MPDZ: variants seen among roughly 807,000 people sequenced by gnomAD.
MPDZ encodes the protein multiple PDZ domain protein.
Under a neutral mutation model 239.1 loss-of-function variants are expected in MPDZ, and 234 were observed. That is an observed-to-expected ratio of 0.98 (90% CI 0.88 to 1.09). The LOEUF (loss-of-function observed/expected upper bound fraction) is 1.09. Among genes scored for constraint, MPDZ ranks in the 50% least tolerant of loss-of-function variants. The probability of loss-of-function intolerance (pLI) is 0.00; values close to 1 mark genes in which losing one functional copy is unlikely to be tolerated. For synonymous variants in MPDZ, 1,048 were observed against 881.3 expected, an observed-to-expected ratio of 1.19 and a Z score of -3.35; for missense variants, 3,175 against 2,510.0, an observed-to-expected ratio of 1.26 and a Z score of -5.66.
At chr9:13,162,043 C>T (rs1295638831) in intron 23 of MPDZ, among the ~76,000 whole-genome samples, 4 of 152,038 alleles carry the variant, frequency 2.6e-5, no homozygotes, top group Non-Finnish European at 4.4e-5. Flanking sequence ...GGTGGGCAGA[C>T]TGCTTAAGCT....
At chr9:13,268,278 C>T (rs1416433657) in intron 1 of MPDZ, among the ~76,000 whole-genome samples, 1 of 151,806 alleles carries the variant, frequency 6.6e-6, no homozygotes, top group Non-Finnish European at 1.5e-5. Flanking sequence ...TATTCCTAGC[C>T]ATGTGTATAG....
intron 1 of MPDZ, among the ~76,000 whole-genome samples, chr9:13,250,917 T>C (rs1394886693): frequency 1.3e-5 from 2 of 151,458 alleles, no homozygotes; most frequent in Non-Finnish European, 2.9e-5. Flanking sequence ...TCACTTGAGG[T>C]CAGGAGTTCG....
intron 19 of MPDZ, among the ~76,000 whole-genome samples, chr9:13,181,674 G>A (rs952274497): frequency 6.6e-6 from 1 of 152,162 alleles, no homozygotes; most frequent in South Asian, 2.1e-4. Context: ...TACAAAAGGA[G>A]GCAAACAGAC....
chr9:13,111,173 A>G (rs780775526), intron 43 of MPDZ, among the ~76,000 whole-genome samples: 1 of 152,234 alleles, frequency 6.6e-6, no homozygotes, highest in Admixed American at 6.5e-5. Context: ...TTTGGTTAAT[A>G]AAGTCTGGTT....
intron 12 of MPDZ, among the ~76,000 whole-genome samples, chr9:13,201,325 G>A (rs1222713317): frequency 6.6e-6 from 1 of 151,726 alleles, no homozygotes; most frequent in Non-Finnish European, 1.5e-5. Context: ...TTTGAATGTG[G>A]TGTTTCTTTT....
chr9:13,255,270 G>A (rs985630637), intron 1 of MPDZ, among the ~76,000 whole-genome samples: 7 of 152,066 alleles, frequency 4.6e-5, no homozygotes, highest in South Asian at 4.1e-4. Context: ...TATTTGTAAC[G>A]CATCTTCAGT....
chr9:13,256,003 TG>T (rs1351624929), intron 1 of MPDZ, among the ~76,000 whole-genome samples: 1 of 152,234 alleles, frequency 6.6e-6, no homozygotes, highest in Non-Finnish European at 1.5e-5. Flanking sequence ...AAAAATCTGT[TG>T]TTTAGTGCAG....
rs763695296 is a variant in MPDZ at position 13,138,139 on chromosome 9, G to A, written c.4018C>T (p.Arg1340Cys). 9.5e-6 allele frequency: 15 copies of A among 1,583,440 alleles called. No homozygotes were observed. Among genetic ancestry groups the A allele is most frequent in the African/African-American group, 2.7e-5 (2 of 73,770 alleles). The change falls in exon 29 of 47, where the codon CGT becomes TGT. Residue 1340 changes from arginine (R) to cysteine (C), a missense_variant. Physicochemically the swap from Arg to Cys is radical, Grantham distance 180 (BLOSUM62 -3). Coordinates refer to ENST00000319217, the MANE Select transcript of MPDZ (RefSeq NM_001378778.1). ...AGCTCGCCTGTTAGGGTTCCATAAC[G>A]CTCTCTGATATTTTCTACATACAAC... ...FGYSWKNIRERYGTLTGELHM... is the reference protein window; with the variant it reads ...FGYSWKNIRECYGTLTGELHM...
chr9:13,136,325 CTTTTT>C (rs869272418), intron 30 of MPDZ, 143 bp from the exon 31 acceptor site: 2,412 of 156,232 alleles, frequency 0.015, 18 homozygotes, highest in East Asian at 0.052. Context: ...CAAACGTTTT[CTTTTT>C]TTTTTTTTTT....
At chr9:13,198,628 T>G (rs1457544279) in intron 12 of MPDZ, among the ~76,000 whole-genome samples, 4 of 152,064 alleles carry the variant, frequency 2.6e-5, no homozygotes, top group Non-Finnish European at 5.9e-5. Context: ...TGGTTGCCCG[T>G]GCTTTTGTGA....
chr9:13,155,328 A>G lies in MPDZ; in HGVS notation c.3452+2690T>C, dbSNP rs1445866884. ...AGCAATTCCAATTCCACTTCTGGAT[A>G]TATTCCCTAGATAAATTTTCATGTG... On this transcript the variant is annotated intron_variant, in intron 24 of 46. Coordinates refer to ENST00000319217, the MANE Select transcript of MPDZ (RefSeq NM_001378778.1). Among the ~76,000 whole-genome samples, 6 of 152,316 alleles carry G rather than the reference A, an allele frequency of 3.9e-5. No homozygotes were observed. In the South Asian group the frequency reaches 1.2e-3, roughly 32 times the overall value.
intron 3 of MPDZ, among the ~76,000 whole-genome samples, chr9:13,234,581 T>A (rs549901600): frequency 6.6e-6 from 1 of 152,300 alleles, no homozygotes; most frequent in African/African-American, 2.4e-5. Context: ...TTATGTTTGA[T>A]GGATATTATA....
At chr9:13,241,146 C>A (rs1349463327) in intron 3 of MPDZ, among the ~76,000 whole-genome samples, 2 of 152,030 alleles carry the variant, frequency 1.3e-5, no homozygotes, top group African/African-American at 4.8e-5. Context: ...TGTTATTGTA[C>A]CAAAAATAAA....
chr9:13,193,092 A>C (rs1022249396), intron 14 of MPDZ, 75 bp downstream of exon 14: 2 of 1,292,558 alleles, frequency 1.5e-6, no homozygotes, highest in Non-Finnish European at 2.0e-6. Flanking sequence ...ATGAGAATTT[A>C]TTCACCACAT....
chr9:13,190,101 A>C lies in MPDZ; in HGVS notation c.2154+13T>G. The C allele has an allele frequency of 1.2e-6, 2 of 1,605,744 alleles. No homozygotes were observed. The highest frequency in any genetic ancestry group is 1.3e-5 in the African/African-American group (1 of 74,880). ...TAGGCCTTTAAAAATTGTTAAAAGT[A>C]GTATATACTTACCTGATAATCTAAA... On this transcript the variant is annotated intron_variant, in intron 16 of 46. Coordinates refer to ENST00000319217, the MANE Select transcript of MPDZ (RefSeq NM_001378778.1).
chr9:13,277,693 T>C (rs1974552757), intron 1 of MPDZ, among the ~76,000 whole-genome samples: 1 of 152,118 alleles, frequency 6.6e-6, no homozygotes, highest in Non-Finnish European at 1.5e-5. Context: ...GCCTCCCTAG[T>C]ATCTGAGACT....
chr9:13,255,781 G>A (rs1969291687), intron 1 of MPDZ, among the ~76,000 whole-genome samples: 1 of 152,144 alleles, frequency 6.6e-6, no homozygotes, highest in Admixed American at 6.5e-5. Flanking sequence ...CATTTACAGA[G>A]AACGCAGGCA....
rs1051276762 is a variant in MPDZ at position 13,165,552 on chromosome 9, C to G, written c.3255-2757G>C. 1.4e-5 allele frequency: 10 copies of G among 720,738 alleles called. No individual in the cohort carries two copies. In the South Asian group the frequency reaches 1.9e-4, roughly 14 times the overall value. The allele number at this position is 720,738 out of a possible 1,614,324, so 44.6% of individuals were successfully genotyped here. ...TTTTTTCCCCCTTTCCACCTCCCTC[C>G]CATCTACACCTCCCCCAGAAAAGCA... On this transcript the variant is annotated intron_variant, in intron 22 of 46. Coordinates refer to ENST00000319217, the MANE Select transcript of MPDZ (RefSeq NM_001378778.1).
chr9:13,207,694 T>A (rs1017095374), intron 10 of MPDZ, among the ~76,000 whole-genome samples: 4 of 152,218 alleles, frequency 2.6e-5, no homozygotes, highest in Non-Finnish European at 4.4e-5. Context: ...AATTTTACAT[T>A]TTCTGCTATT....
Sources: gnomAD v4.1 joint callset for allele counts (sites outside exome capture counted in the v4.1 genomes callset) on GRCh38, gnomAD v4.1.1 for gene constraint, MANE v1.5 for transcripts, NCBI Gene and HGNC (gene_info 2026-07-23, HGNC 2026-07-21) for gene names.